Variants in NKIRAS1 observed in about 807,000 individuals in gnomAD.
NKIRAS1 encodes NF-kappa-B inhibitor-interacting Ras-like protein 1.
Under a neutral mutation model 19.8 loss-of-function variants are expected in NKIRAS1, and 16 were observed. The observed-to-expected ratio is 0.81, with a 90% CI of 0.55 to 1.23. The LOEUF (loss-of-function observed/expected upper bound fraction) is 1.23, where lower values mean the gene tolerates loss of function less well. Ranked by LOEUF, NKIRAS1 falls within the 50% of genes most tolerant of loss-of-function variation. The pLI is 0.00. For missense variants in NKIRAS1, 184 were observed against 220.0 expected (o/e 0.84, Z 1.04); for synonymous variants, 88 against 79.0 (o/e 1.11, Z -0.61).
chr3:23,920,781 G>C, upstream of NKIRAS1: 3 of 966,000 alleles, frequency 3.1e-6, no homozygotes, highest in Middle Eastern at 1.1e-3. Flanking sequence ...AAGATCTTAA[G>C]TCATACATTT....
chr3:23,946,063 A>G (rs946684337), intron 1 of NKIRAS1: 15 of 977,668 alleles, frequency 1.5e-5, no homozygotes, highest in African/African-American at 3.5e-5. Context: ...GGAGCGCCGC[A>G]GCCTCCCGGG....
At chr3:23,936,498 T>TA (rs1247080063) in intron 1 of NKIRAS1, among the ~76,000 whole-genome samples, 3 of 152,164 alleles carry the variant, frequency 2.0e-5, no homozygotes, top group Non-Finnish European at 4.4e-5. Flanking sequence ...GCCCTGCCCT[T>TA]AGAGTTTCTG....
chr3:23,909,573 T>C (rs1419773300), intron 3 of NKIRAS1, among the ~76,000 whole-genome samples: 1 of 152,122 alleles, frequency 6.6e-6, no homozygotes, highest in African/African-American at 2.4e-5. Flanking sequence ...AAAAAATGCT[T>C]TGATGATCTC....
At chr3:23,946,085 C>T (rs1705689964) in intron 1 of NKIRAS1, 1 of 984,694 alleles carries the variant, frequency 1.0e-6, no homozygotes, top group East Asian at 1.1e-4. Context: ...GGCTCCGCCC[C>T]TTTGGAAGCC....
Position 23,891,936 on chromosome 3 carries a change from T to A in NKIRAS1, c.*1159A>T, listed in dbSNP as rs1468615803. 4 of 152,174 alleles carry A rather than the reference T, an allele frequency of 2.6e-5. No homozygotes were observed. Among genetic ancestry groups the A allele is most frequent in the African/African-American group, 9.7e-5 (4 of 41,450 alleles). The allele number at this position is 152,174 out of a possible 1,614,324, so 9.4% of individuals were successfully genotyped here. A position where few individuals can be genotyped will look rare whatever the true frequency, so the allele number is the denominator to read the frequency against. ...GAGTTAGTGTCTGGTAATTTTTTTT[T>A]ACCAAAAAATGAATTTATGATGAGA... On this transcript the variant is annotated 3_prime_UTR_variant, in exon 5 of 5. Coordinates refer to ENST00000425478, the MANE Select transcript of NKIRAS1 (RefSeq NM_020345.4).
intron 1 of NKIRAS1, among the ~76,000 whole-genome samples, chr3:23,912,182 A>C (rs1456203663): frequency 6.6e-6 from 1 of 152,228 alleles, no homozygotes; most frequent in Non-Finnish European, 1.5e-5. Flanking sequence ...CAAAAGCCAA[A>C]ATAGACGAAT....
chr3:23,918,584 G>T (rs550146285), upstream of NKIRAS1: 3 of 1,612,544 alleles, frequency 1.9e-6, no homozygotes, highest in Non-Finnish European at 2.5e-6. Context: ...GAGGTAAATG[G>T]TTTTGAGTAG....
At chr3:23,908,779 C>G (rs1463867582) in intron 3 of NKIRAS1, among the ~76,000 whole-genome samples, 1 of 152,022 alleles carries the variant, frequency 6.6e-6, no homozygotes, top group Non-Finnish European at 1.5e-5. Flanking sequence ...TTCTCCCACC[C>G]CAGCATCTCA....
At chr3:23,901,326 C>G (rs1447027612) in intron 3 of NKIRAS1, among the ~76,000 whole-genome samples, 1 of 151,822 alleles carries the variant, frequency 6.6e-6, no homozygotes. Flanking sequence ...CCAGCTGGGA[C>G]TACAGGTGCC....
At chr3:23,902,342 T>C (rs939059267) in intron 3 of NKIRAS1, among the ~76,000 whole-genome samples, 3 of 152,166 alleles carry the variant, frequency 2.0e-5, no homozygotes, top group Non-Finnish European at 4.4e-5. Context: ...GATTGGATCA[T>C]TGAGAAACCA....
intron 2 of NKIRAS1, 83 bp from the exon 3 acceptor site, chr3:23,911,004 T>C (rs570099764): frequency 1.8e-5 from 18 of 1,027,014 alleles, no homozygotes; most frequent in Non-Finnish European, 2.5e-5. Flanking sequence ...CAATTTAATA[T>C]GTAACACATG....
chr3:23,906,927 T>A (rs532254431), intron 3 of NKIRAS1, among the ~76,000 whole-genome samples: 1 of 152,314 alleles, frequency 6.6e-6, no homozygotes, highest in East Asian at 1.9e-4. Flanking sequence ...ACAGTCTCGC[T>A]CTGTTGCCCA....
intron 1 of NKIRAS1, among the ~76,000 whole-genome samples, chr3:23,943,063 C>T (rs1010542719): frequency 6.6e-6 from 1 of 152,100 alleles, no homozygotes; most frequent in Middle Eastern, 3.2e-3. Context: ...CCAGGGCTCA[C>T]TCTTGACGTT....
chr3:23,920,435 C>T (rs962310899), upstream of NKIRAS1: 11 of 985,366 alleles, frequency 1.1e-5, no homozygotes, highest in South Asian at 4.2e-4. Context: ...GCCAAACAAC[C>T]CTAAAAATCC....
At chr3:23,918,097 T>C, upstream of NKIRAS1, 1 of 1,550,606 alleles carries the variant, frequency 6.4e-7, no homozygotes, top group Non-Finnish European at 8.7e-7. Flanking sequence ...AACCAGCTGT[T>C]AGGAAGACAC....
upstream of NKIRAS1, chr3:23,920,758 C>A: frequency 1.0e-6 from 1 of 972,962 alleles, no homozygotes; most frequent in Non-Finnish European, 1.2e-6. Context: ...TAAATTTCTT[C>A]ACAAAAAAAG....
intron 4 of NKIRAS1, among the ~76,000 whole-genome samples, chr3:23,897,308 T>C (rs1483166447): frequency 2.0e-5 from 3 of 151,882 alleles, no homozygotes; most frequent in Non-Finnish European, 4.4e-5. Context: ...AATAAAGGGG[T>C]AAAATATTTT....
At chr3:23,906,800 G>A (rs370109526) in intron 3 of NKIRAS1, among the ~76,000 whole-genome samples, 35 of 151,884 alleles carry the variant, frequency 2.3e-4, no homozygotes, top group African/African-American at 7.0e-4. Context: ...CCTTTGCAGT[G>A]GCTATTTTTC....
At chr3:23,931,707 G>C (rs1191428133) in intron 1 of NKIRAS1, among the ~76,000 whole-genome samples, 1 of 112,598 alleles carries the variant, frequency 8.9e-6, no homozygotes, top group Non-Finnish European at 2.0e-5. Flanking sequence ...GAAATGGAAA[G>C]GAAGGAGAGA....
Sources: allele counts gnomAD v4.1 joint callset (sites outside exome capture counted in the v4.1 genomes callset), GRCh38; gene constraint gnomAD v4.1.1; transcripts MANE v1.5; gene names NCBI Gene and HGNC (gene_info 2026-07-23, HGNC 2026-07-21).